Variants in KLF12 observed in about 807,000 individuals in gnomAD.
KLF12 encodes KLF transcription factor 12.
A neutral mutation model predicts 37.8 loss-of-function variants in KLF12; 9 were observed. The ratio of observed to expected loss-of-function variants is 0.24; its 90% CI spans 0.14 to 0.42. The LOEUF is 0.42. Ranked by LOEUF, KLF12 falls within the 10% of genes least tolerant of loss-of-function variation. The pLI is 1.00. For synonymous variants in KLF12, 208 were observed against 202.1 expected, an observed-to-expected ratio of 1.03 and a Z score of -0.25; for missense variants, 411 against 516.0, an observed-to-expected ratio of 0.80 and a Z score of 1.97.
At position 74,002,679 on chromosome 13, in the gene KLF12, A is replaced by G. The variant is rs140515712; in HGVS notation, c.-31-7626T>C. 4.3e-3 allele frequency among the ~76,000 whole-genome samples: 649 copies of G among 152,320 alleles called. 2 individuals are homozygous for G. Among genetic ancestry groups the G allele is most frequent in the African/African-American group, 0.015 (612 of 41,582 alleles). On this transcript the variant is annotated intron_variant, in intron 1 of 7. Coordinates refer to ENST00000377669, the MANE Select transcript of KLF12 (RefSeq NM_007249.5). Reference sequence around the variant, plus strand: ...CACTGTACCTGGTCTGACTCTTACTATAAGAATCAAAAACGACTCCTTTAA... The same window carrying G: ...CACTGTACCTGGTCTGACTCTTACTGTAAGAATCAAAAACGACTCCTTTAA...
chr13:74,105,058 G>C (rs919322415), intron 1 of KLF12, among the ~76,000 whole-genome samples: 35 of 152,126 alleles, frequency 2.3e-4, no homozygotes, highest in African/African-American at 8.2e-4. Context: ...CATCCCCAGG[G>C]CCAAGTACAG....
intron 2 of KLF12, among the ~76,000 whole-genome samples, chr13:73,945,771 A>G (rs1419701859): frequency 1.3e-5 from 2 of 152,220 alleles, no homozygotes; most frequent in Admixed American, 1.3e-4. Context: ...TAAATGTTCA[A>G]TATTTTCAAA....
At chr13:73,821,402 C>T (rs1041448867) in intron 4 of KLF12, among the ~76,000 whole-genome samples, 1 of 152,204 alleles carries the variant, frequency 6.6e-6, no homozygotes, top group Non-Finnish European at 1.5e-5. Context: ...ATTTCAAACA[C>T]AAGTCCTATT....
chr13:73,886,563 C>T (rs1465958260), intron 3 of KLF12, among the ~76,000 whole-genome samples: 2 of 152,096 alleles, frequency 1.3e-5, no homozygotes, highest in African/African-American at 4.8e-5. Flanking sequence ...TGCAGCAAAC[C>T]ACCATGGTAC....
At chr13:74,097,636 C>T (rs867174183) in intron 1 of KLF12, among the ~76,000 whole-genome samples, 15 of 152,006 alleles carry the variant, frequency 9.9e-5, no homozygotes, top group African/African-American at 2.7e-4. Context: ...TTTAAACACA[C>T]GTTTAGGTAT....
intron 6 of KLF12, among the ~76,000 whole-genome samples, chr13:73,726,534 G>T (rs9592939): frequency 0.49 from 73,936 of 152,042 alleles, 19,784 homozygotes; most frequent in East Asian, 0.68. Context: ...TATAATGCAT[G>T]GCCTTTTGTG....
the KLF12 span, among the ~76,000 whole-genome samples, chr13:74,187,256 T>C: frequency 6.6e-6 from 1 of 151,628 alleles, no homozygotes; most frequent in African/African-American, 2.4e-5. Flanking sequence ...CCCAGATGAT[T>C]GGGGCTGCAG....
chr13:73,975,826 G>C (rs1158445667), intron 2 of KLF12, among the ~76,000 whole-genome samples: 1 of 152,022 alleles, frequency 6.6e-6, no homozygotes, highest in African/African-American at 2.4e-5. Context: ...ATCATCTGTA[G>C]GTCTGTCTCT....
chr13:73,705,521 C>T (rs1033816856), intron 7 of KLF12, among the ~76,000 whole-genome samples: 2 of 152,210 alleles, frequency 1.3e-5, no homozygotes, highest in Non-Finnish European at 2.9e-5. Flanking sequence ...GATCCTCCCA[C>T]GTCAGCCTCC....
At chr13:74,030,320 G>A (rs1893081920) in intron 1 of KLF12, among the ~76,000 whole-genome samples, 1 of 152,230 alleles carries the variant, frequency 6.6e-6, no homozygotes, top group South Asian at 2.1e-4. Context: ...GAAAGAAGCT[G>A]TTAGAGAAGA....
intron 5 of KLF12, among the ~76,000 whole-genome samples, chr13:73,772,423 GC>G: frequency 6.6e-6 from 1 of 152,322 alleles, no homozygotes; most frequent in East Asian, 1.9e-4. Flanking sequence ...CAGATAAACG[GC>G]CATGGTGCAT....
In KLF12 at chr13:73,756,681, T is replaced by C. The variant is rs138987941; in HGVS notation, c.869+8257A>G. Among the ~76,000 whole-genome samples the C allele has an allele frequency of 4.5e-3, 682 of 152,270 alleles. 8 individuals are homozygous for C. The highest frequency in any genetic ancestry group is 0.016 in the African/African-American group (649 of 41,570). ...AAAGAGTAGTCTTTCCCATCATTTT[T>C]TGGTACTAACACTTTTCCTTTGGGA... On this transcript the variant is annotated intron_variant, in intron 6 of 7. Transcript: ENST00000377669.
chr13:74,049,433 A>G (rs1416300962), intron 1 of KLF12, among the ~76,000 whole-genome samples: 1 of 152,220 alleles, frequency 6.6e-6, no homozygotes, highest in Non-Finnish European at 1.5e-5. Flanking sequence ...TGCTGAGAAG[A>G]GCACAGACTA....
chr13:73,993,181 G>A (rs751525116), intron 2 of KLF12, among the ~76,000 whole-genome samples: 4 of 152,192 alleles, frequency 2.6e-5, no homozygotes, highest in African/African-American at 4.8e-5. Context: ...GCAGTAAGCC[G>A]AGATCGCGCC....
At chr13:74,237,793 T>G in the KLF12 span, among the ~76,000 whole-genome samples, 1 of 152,286 alleles carries the variant, frequency 6.6e-6, no homozygotes, top group African/African-American at 2.4e-5. Context: ...TCATTTTGTA[T>G]GCTGAGACTT....
At chr13:73,858,442 T>TA (rs1885725632) in intron 3 of KLF12, among the ~76,000 whole-genome samples, 1 of 152,180 alleles carries the variant, frequency 6.6e-6, no homozygotes, top group African/African-American at 2.4e-5. Context: ...CCCAGTGGAT[T>TA]AAAACAATGG....
At chr13:74,154,034 T>A in the KLF12 span, among the ~76,000 whole-genome samples, 43,365 of 150,958 alleles carry the variant, frequency 0.29, 6,884 homozygotes, top group Non-Finnish European at 0.36. Flanking sequence ...AAGACCATCC[T>A]GGACAACACG....
At chr13:73,909,353 G>C (rs894827162) in intron 3 of KLF12, among the ~76,000 whole-genome samples, 1 of 152,044 alleles carries the variant, frequency 6.6e-6, no homozygotes, top group Non-Finnish European at 1.5e-5. Context: ...TTTTGCCTCC[G>C]TATAACTTCC....
At chr13:74,251,689 G>C in the KLF12 span, among the ~76,000 whole-genome samples, 3 of 152,152 alleles carry the variant, frequency 2.0e-5, no homozygotes, top group Non-Finnish European at 4.4e-5. Context: ...GGCGTTCAGA[G>C]ATAGGTTCCT....
Sources: gnomAD v4.1 joint callset for allele counts (sites outside exome capture counted in the v4.1 genomes callset) on GRCh38, gnomAD v4.1.1 for gene constraint, MANE v1.5 for transcripts, NCBI Gene and HGNC (gene_info 2026-07-23, HGNC 2026-07-21) for gene names.